The following LRRTM4 variants were observed in gnomAD, a reference collection of about 807,000 sequenced individuals.
LRRTM4 encodes the protein leucine rich repeat transmembrane neuronal 4, also known as leucine-rich repeat transmembrane neuronal protein 4.
A neutral mutation model predicts 47.6 loss-of-function variants in LRRTM4; 25 were observed. The observed-to-expected ratio is 0.53, with a 90% CI of 0.38 to 0.73. The LOEUF (loss-of-function observed/expected upper bound fraction) is 0.73. LRRTM4 is among the 30% of genes least tolerant of loss of function. The probability of loss-of-function intolerance (pLI) is 0.00; values close to 1 mark genes in which losing one functional copy is unlikely to be tolerated. For missense variants in LRRTM4, 638 were observed against 713.4 expected (o/e 0.89, Z 1.20); for synonymous variants, 311 against 269.5 (o/e 1.15, Z -1.51).
At chr2:77,341,074 C>T (rs184284988) in intron 3 of LRRTM4, among the ~76,000 whole-genome samples, 62 of 152,010 alleles carry the variant, frequency 4.1e-4, no homozygotes, top group Non-Finnish European at 8.0e-4. Context: ...CCTGGAATAT[C>T]TAGAACAGAA....
At chr2:77,195,681 T>C (rs1673800793) in intron 3 of LRRTM4, among the ~76,000 whole-genome samples, 1 of 152,148 alleles carries the variant, frequency 6.6e-6, no homozygotes, top group Admixed American at 6.6e-5. Context: ...AAACAAATTC[T>C]AAAATATAAG....
intron 3 of LRRTM4, among the ~76,000 whole-genome samples, chr2:76,767,858 T>C (rs13008894): frequency 0.14 from 21,285 of 152,190 alleles, 2,043 homozygotes; most frequent in East Asian, 0.43. Flanking sequence ...GACTGAGTTC[T>C]GTCTTTTGAG....
intron 3 of LRRTM4, among the ~76,000 whole-genome samples, chr2:76,897,052 A>G (rs1379142470): frequency 6.6e-6 from 1 of 151,968 alleles, no homozygotes; most frequent in Non-Finnish European, 1.5e-5. Flanking sequence ...GGACACTCGT[A>G]GCTTATTTAA....
chr2:77,249,975 T>C (rs1573141974), intron 3 of LRRTM4, among the ~76,000 whole-genome samples: 1 of 152,208 alleles, frequency 6.6e-6, no homozygotes, highest in South Asian at 2.1e-4. Context: ...TATAATGGTA[T>C]ATAATTCAGT....
chr2:77,417,800 T>C (rs1057015098), intron 3 of LRRTM4, among the ~76,000 whole-genome samples: 8 of 151,964 alleles, frequency 5.3e-5, no homozygotes, highest in Non-Finnish European at 7.4e-5. Flanking sequence ...TTTTGAGATA[T>C]ACCTAATGTT....
chr2:77,163,103 C>T (rs1032866157), intron 3 of LRRTM4, among the ~76,000 whole-genome samples: 9 of 152,024 alleles, frequency 5.9e-5, no homozygotes, highest in African/African-American at 1.2e-4. Context: ...AAATGGCTAA[C>T]GAGAATAAAC....
At chr2:76,942,173 A>G (rs1324982304) in intron 3 of LRRTM4, among the ~76,000 whole-genome samples, 1 of 151,500 alleles carries the variant, frequency 6.6e-6, no homozygotes, top group Admixed American at 6.6e-5. Flanking sequence ...TTTTCTTGTA[A>G]ATTTGTTTAA....
intron 3 of LRRTM4, among the ~76,000 whole-genome samples, chr2:77,232,879 A>G (rs1304956457): frequency 6.6e-6 from 1 of 152,202 alleles, no homozygotes; most frequent in Non-Finnish European, 1.5e-5. Context: ...GTTTGAATCA[A>G]AACATATCTT....
intron 3 of LRRTM4, among the ~76,000 whole-genome samples, chr2:77,207,525 T>G (rs1359435604): frequency 6.6e-6 from 1 of 151,858 alleles, no homozygotes. Context: ...ACTCTCAACC[T>G]GGCTGTGACT....
At chr2:77,050,088 T>C (rs1384902971) in intron 3 of LRRTM4, among the ~76,000 whole-genome samples, 1 of 151,526 alleles carries the variant, frequency 6.6e-6, no homozygotes, top group African/African-American at 2.4e-5. Flanking sequence ...GAGTACCCAA[T>C]AGGCTTCTAG....
Position 77,217,265 on chromosome 2 carries a change from C to T in LRRTM4, c.1551+301053G>A, listed in dbSNP as rs570672758. On this transcript the variant is annotated intron_variant, in intron 3 of 3. Transcript: ENST00000409884. Reference sequence around the variant, plus strand: ...GTTTACCTAATCTGTTTACTCTAGGCAGCAGAATTTTGAGGTTAACCTACT... The same window carrying T: ...GTTTACCTAATCTGTTTACTCTAGGTAGCAGAATTTTGAGGTTAACCTACT... 1.9e-4 allele frequency among the ~76,000 whole-genome samples: 28 copies of T among 150,560 alleles called. No individual in the cohort carries two copies. The East Asian group carries it at 4.1e-3, about 22-fold the overall frequency.
At chr2:76,931,305 A>C (rs74448181) in intron 3 of LRRTM4, among the ~76,000 whole-genome samples, 1 of 152,216 alleles carries the variant, frequency 6.6e-6, no homozygotes, top group Non-Finnish European at 1.5e-5. Flanking sequence ...ATATTAATGC[A>C]TATTAGCAAA....
At chr2:77,390,871 T>C (rs1314632020) in intron 3 of LRRTM4, among the ~76,000 whole-genome samples, 1 of 151,806 alleles carries the variant, frequency 6.6e-6, no homozygotes, top group African/African-American at 2.4e-5. Flanking sequence ...TTTAATCTTT[T>C]TGAGCATTGA....
intron 3 of LRRTM4, among the ~76,000 whole-genome samples, chr2:77,070,246 AAATAC>A (rs765262271): frequency 0.01 from 1,590 of 152,196 alleles, 26 homozygotes; most frequent in Admixed American, 0.041. Flanking sequence ...TTAAAAAATA[AAATAC>A]AATAAATGCT....
chr2:76,934,968 G>GA (rs34194337), intron 3 of LRRTM4, among the ~76,000 whole-genome samples: 39,446 of 146,072 alleles, frequency 0.27, 6,186 homozygotes, highest in African/African-American at 0.45. Context: ...TTCTTTGGAG[G>GA]AAAAAAAAAA....
Position 77,032,270 on chromosome 2 carries a change from A to G in LRRTM4, c.1552-283354T>C, listed in dbSNP as rs556429279. Among the ~76,000 whole-genome samples, 14 of 152,242 alleles carry G rather than the reference A, an allele frequency of 9.2e-5. No individual in the cohort carries two copies. The East Asian group carries it at 2.1e-3, about 23-fold the overall frequency. ...GTTACGTAGGTAACTCTTTTACTTCAAATCCTTGCTCAATTTTCATTATAT... is the reference window on the plus strand; with the variant it reads ...GTTACGTAGGTAACTCTTTTACTTCGAATCCTTGCTCAATTTTCATTATAT... On this transcript the variant is annotated intron_variant, in intron 3 of 3. Coordinates refer to ENST00000409884, the MANE Select transcript of LRRTM4 (RefSeq NM_001134745.3).
At chr2:77,337,145 T>C (rs1324953821) in intron 3 of LRRTM4, among the ~76,000 whole-genome samples, 3 of 152,014 alleles carry the variant, frequency 2.0e-5, no homozygotes. Flanking sequence ...ATAAAATACC[T>C]AAAAGTACAT....
intron 3 of LRRTM4, among the ~76,000 whole-genome samples, chr2:77,495,397 C>A (rs934212980): frequency 6.8e-6 from 1 of 146,636 alleles, no homozygotes; most frequent in Non-Finnish European, 1.5e-5. Flanking sequence ...GAAGTTTTAA[C>A]TTTAAGTCCA....
chr2:77,287,931 G>A (rs72915906), intron 3 of LRRTM4, among the ~76,000 whole-genome samples: 4,762 of 152,148 alleles, frequency 0.031, 231 homozygotes, highest in African/African-American at 0.11. Context: ...GGATAAAGGG[G>A]CACTACTGTA....
Sources: gnomAD v4.1 joint callset for allele counts (sites outside exome capture counted in the v4.1 genomes callset) on GRCh38, gnomAD v4.1.1 for gene constraint, MANE v1.5 for transcripts, NCBI Gene and HGNC (gene_info 2026-07-23, HGNC 2026-07-21) for gene names.